PTPRT: variants seen among roughly 807,000 people sequenced by gnomAD.
PTPRT encodes receptor-type tyrosine-protein phosphatase T.
A neutral mutation model predicts 176.8 loss-of-function variants in PTPRT; 56 were observed. The ratio of observed to expected loss-of-function variants is 0.32; its 90% CI spans 0.26 to 0.40. The LOEUF (loss-of-function observed/expected upper bound fraction) is 0.40. Ranked by LOEUF, PTPRT falls within the 10% of genes least tolerant of loss-of-function variation. The pLI is 1.00. For synonymous variants in PTPRT, 783 were observed against 739.0 expected, an observed-to-expected ratio of 1.06 and a Z score of -0.96; for missense variants, 1,540 against 1,908.2, an observed-to-expected ratio of 0.81 and a Z score of 3.60.
chr20:43,108,346 G>T (rs1408445366), intron 1 of PTPRT, among the ~76,000 whole-genome samples: 1 of 152,146 alleles, frequency 6.6e-6, no homozygotes, highest in African/African-American at 2.4e-5. Context: ...GTGCCAAGCT[G>T]ATGCCCAGTA....
intron 6 of PTPRT, among the ~76,000 whole-genome samples, chr20:42,740,087 T>C (rs2076586364): frequency 6.6e-6 from 1 of 152,186 alleles, no homozygotes; most frequent in Admixed American, 6.5e-5. Context: ...GGCAGAATCC[T>C]TCCCTGGGAC....
At chr20:42,532,247 C>T (rs1005723820) in intron 7 of PTPRT, among the ~76,000 whole-genome samples, 1 of 152,158 alleles carries the variant, frequency 6.6e-6, no homozygotes, top group Non-Finnish European at 1.5e-5. Context: ...GCTTCCATCT[C>T]TGAAGTCCCC....
rs192526925 is a variant in PTPRT at position 42,551,611 on chromosome 20, G to T, written c.1154-79049C>A. 4.5e-3 allele frequency among the ~76,000 whole-genome samples: 691 copies of T among 152,248 alleles called. 2 individuals are homozygous for T. The highest frequency in any genetic ancestry group is 6.8e-3 in the Non-Finnish European group (462 of 68,008). ...GCTTTTAGTGTTCGTGTCTACATCTGTGATAGAAAGAAGTTTGAATCTCTA... is the reference window on the plus strand; with the variant it reads ...GCTTTTAGTGTTCGTGTCTACATCTTTGATAGAAAGAAGTTTGAATCTCTA... On this transcript the variant is annotated intron_variant, in intron 7 of 30. Coordinates refer to ENST00000373187, the MANE Select transcript of PTPRT (RefSeq NM_007050.6).
chr20:42,569,709 A>T (rs1330503521), intron 7 of PTPRT, among the ~76,000 whole-genome samples: 18 of 152,190 alleles, frequency 1.2e-4, no homozygotes, highest in Admixed American at 1.2e-3. Flanking sequence ...TGCTCCAGGC[A>T]GAAAGAGGCA....
chr20:42,218,000 G>T (rs2055812429), intron 15 of PTPRT, among the ~76,000 whole-genome samples: 1 of 152,210 alleles, frequency 6.6e-6, no homozygotes, highest in African/African-American at 2.4e-5. Flanking sequence ...ACAGGTAAAG[G>T]GAACAGGTGG....
rs1989585639 is a variant in PTPRT, at chr20:42,161,334, C to A, written c.2682+18G>T. The A allele has an allele frequency of 6.2e-7, 1 of 1,613,788 alleles. No individual in the cohort carries two copies. ...CTCTGAAACTATCAGGAAGTTTCCCCACAGGCTGGTCTCTTACCTCGTATT... is the reference window on the plus strand; with the variant it reads ...CTCTGAAACTATCAGGAAGTTTCCCAACAGGCTGGTCTCTTACCTCGTATT... On this transcript the variant is annotated intron_variant, in intron 17 of 30. Coordinates refer to ENST00000373187, the MANE Select transcript of PTPRT (RefSeq NM_007050.6).
intron 2 of PTPRT, among the ~76,000 whole-genome samples, chr20:42,870,594 A>G (rs1408673784): frequency 6.6e-6 from 1 of 152,260 alleles, no homozygotes; most frequent in Non-Finnish European, 1.5e-5. Context: ...ATAGTTGGCT[A>G]TAGCTTCTAG....
intron 7 of PTPRT, among the ~76,000 whole-genome samples, chr20:42,620,200 T>TGCCG (rs1353994663): frequency 6.8e-6 from 1 of 146,186 alleles, no homozygotes; most frequent in Non-Finnish European, 1.5e-5. Context: ...ATACCCTGCC[T>TGCCG]TGTGAGGTGT....
At chr20:42,734,522 A>T (rs6030448) in intron 6 of PTPRT, among the ~76,000 whole-genome samples, 108,339 of 152,098 alleles carry the variant, frequency 0.71, 38,670 homozygotes, top group East Asian at 0.86. Flanking sequence ...AGGGCAGAGC[A>T]TGGCAGGATC....
intron 15 of PTPRT, 137 bp from the exon 16 acceptor site, chr20:42,199,525 A>G: frequency 1.0e-6 from 1 of 996,974 alleles, no homozygotes; most frequent in South Asian, 1.7e-5. Context: ...GAATCAAGGC[A>G]GAACAAACCA....
intron 7 of PTPRT, among the ~76,000 whole-genome samples, chr20:42,488,449 T>A (rs1225616191): frequency 6.6e-6 from 1 of 152,162 alleles, no homozygotes; most frequent in Non-Finnish European, 1.5e-5. Context: ...GCACTACGTA[T>A]TTTTTACCAT....
intron 7 of PTPRT, among the ~76,000 whole-genome samples, chr20:42,613,312 C>T (rs2074006195): frequency 6.6e-6 from 1 of 152,230 alleles, no homozygotes; most frequent in Non-Finnish European, 1.5e-5. Context: ...CCACAACTTG[C>T]AGTGCCCCTT....
At chr20:43,138,061 A>C (rs981139737) in intron 1 of PTPRT, among the ~76,000 whole-genome samples, 1 of 152,048 alleles carries the variant, frequency 6.6e-6, no homozygotes, top group Non-Finnish European at 1.5e-5. Context: ...ACCAAAGCTG[A>C]CCTCTGTTGT....
intron 2 of PTPRT, among the ~76,000 whole-genome samples, chr20:42,851,645 T>C (rs182999648): frequency 5.9e-4 from 90 of 152,334 alleles, no homozygotes; most frequent in Non-Finnish European, 4.7e-4. Flanking sequence ...GGTCAGCAAA[T>C]ATTTTTCGTA....
In PTPRT at chr20:42,496,669, C is replaced by T. The variant is rs532997776; in HGVS notation, c.1154-24107G>A. On this transcript the variant is annotated intron_variant, in intron 7 of 30. Coordinates refer to ENST00000373187, the MANE Select transcript of PTPRT (RefSeq NM_007050.6). The stretch of plus-strand genomic sequence containing the variant: ...TTTTTTTTTTTGCCATATCCACAAT[C>T]TCTTTCATAATGTCCTTGATTGCTT... 3.3e-5 allele frequency among the ~76,000 whole-genome samples: 5 copies of T among 149,892 alleles called. No homozygotes were observed. In the South Asian group the frequency reaches 1.1e-3, roughly 32 times the overall value.
At chr20:42,276,294 T>C (rs777347579) in intron 13 of PTPRT, among the ~76,000 whole-genome samples, 23 of 151,176 alleles carry the variant, frequency 1.5e-4, no homozygotes, top group Non-Finnish European at 2.9e-4. Context: ...CCAACATCAC[T>C]CCTGTCCCCT....
intron 6 of PTPRT, among the ~76,000 whole-genome samples, chr20:42,747,353 G>C (rs1325843507): frequency 2.0e-5 from 3 of 152,162 alleles, no homozygotes; most frequent in East Asian, 1.9e-4. Flanking sequence ...TACTGACTCA[G>C]GTACTGCTGG....
chr20:42,241,310 G>A (rs1181847123), intron 14 of PTPRT, among the ~76,000 whole-genome samples: 1 of 152,106 alleles, frequency 6.6e-6, no homozygotes, highest in African/African-American at 2.4e-5. Flanking sequence ...TGGAGGAGAG[G>A]GGAAGGGAAT....
intron 7 of PTPRT, among the ~76,000 whole-genome samples, chr20:42,501,665 C>A (rs1420194240): frequency 6.6e-6 from 1 of 152,168 alleles, no homozygotes. Context: ...AGAAACAGTA[C>A]AACCTGCAAA....
Sources: gnomAD v4.1 joint callset for allele counts (sites outside exome capture counted in the v4.1 genomes callset) on GRCh38, gnomAD v4.1.1 for gene constraint, MANE v1.5 for transcripts, NCBI Gene and HGNC (gene_info 2026-07-23, HGNC 2026-07-21) for gene names.